Variants in EDNRB observed in about 807,000 individuals in gnomAD.
EDNRB encodes the protein Hirschsprung disease 2.
EDNRB carries 18 observed loss-of-function variants against 46.4 expected under a neutral mutation model. The observed-to-expected ratio is 0.39, with a 90% CI of 0.27 to 0.57. The LOEUF is 0.57. EDNRB is among the 20% of genes least tolerant of loss of function. The probability of loss-of-function intolerance (pLI) is 0.61; values close to 1 mark genes in which losing one functional copy is unlikely to be tolerated. For synonymous variants in EDNRB, 213 were observed against 204.9 expected (o/e 1.04, Z -0.34); for missense variants, 434 against 537.5 (o/e 0.81, Z 1.90).
intron 1 of EDNRB, among the ~76,000 whole-genome samples, chr13:77,926,546 A>G (rs182471945): frequency 1.3e-5 from 2 of 152,258 alleles, no homozygotes; most frequent in Admixed American, 1.3e-4. Context: ...TCCATCTGAG[A>G]CCACCTCAGC....
intron 1 of EDNRB, among the ~76,000 whole-genome samples, chr13:77,908,415 T>C (rs1246545283): frequency 2.2e-5 from 2 of 88,908 alleles, no homozygotes; most frequent in East Asian, 3.1e-4. Context: ...GGAAAAACTA[T>C]GAAGTTTTGC....
At chr13:77,952,431 A>G (rs1362050782) in intron 1 of EDNRB, among the ~76,000 whole-genome samples, 1 of 152,198 alleles carries the variant, frequency 6.6e-6, no homozygotes, top group African/African-American at 2.4e-5. Context: ...AATAAACATT[A>G]TTAGTTTGTT....
intron 1 of EDNRB, among the ~76,000 whole-genome samples, chr13:77,950,629 C>T (rs1024443789): frequency 1.3e-5 from 2 of 152,150 alleles, no homozygotes; most frequent in Non-Finnish European, 2.9e-5. Context: ...GGGTTTTATC[C>T]TGACTGAGCA....
intron 1 of EDNRB, among the ~76,000 whole-genome samples, chr13:77,904,439 C>T (rs1237067947): frequency 7.9e-5 from 12 of 151,856 alleles, no homozygotes; most frequent in African/African-American, 2.7e-4. Context: ...GTAAGACAGA[C>T]TATGAGCTCC....
intron 1 of EDNRB, among the ~76,000 whole-genome samples, chr13:77,972,315 G>A (rs566433477): frequency 4.6e-5 from 7 of 152,292 alleles, no homozygotes; most frequent in South Asian, 4.2e-4. Context: ...ACGTGCAGGC[G>A]GAATATTTGA....
intron 1 of EDNRB, among the ~76,000 whole-genome samples, chr13:77,908,302 A>G (rs950755710): frequency 5.3e-5 from 8 of 151,854 alleles, no homozygotes; most frequent in African/African-American, 1.9e-4. Context: ...AACCATGCCC[A>G]CTATTGATGC....
chr13:77,972,895 G>A (rs1007214207), intron 1 of EDNRB, among the ~76,000 whole-genome samples: 4 of 152,204 alleles, frequency 2.6e-5, no homozygotes, highest in South Asian at 4.1e-4. Context: ...ACTCAGGTGT[G>A]ATGAGTCCAT....
chr13:77,948,284 T>C (rs1451513761), intron 1 of EDNRB, among the ~76,000 whole-genome samples: 1 of 152,226 alleles, frequency 6.6e-6, no homozygotes, highest in Non-Finnish European at 1.5e-5. Context: ...AATGATGTTA[T>C]GGGTTAACGT....
intron 1 of EDNRB, among the ~76,000 whole-genome samples, chr13:77,962,696 G>A (rs9530707): frequency 0.64 from 97,363 of 152,014 alleles, 31,809 homozygotes; most frequent in Middle Eastern, 0.8. Context: ...GAAGCATTCC[G>A]TTTGAAAACT....
rs886079264 is a variant in EDNRB, at chr13:77,946,940, A to C, written c.-51-28316T>G. Among the ~76,000 whole-genome samples, 6 of 152,226 alleles carry C rather than the reference A, an allele frequency of 3.9e-5. No homozygotes were observed. In the South Asian group the frequency reaches 1.2e-3, roughly 31 times the overall value. ...TGAGAAATGGTTCTTTAAAGCAAGT[A>C]TTTACTTGAGAAAAATTTCAAACAA... On this transcript the variant is annotated intron_variant, in intron 1 of 7. Coordinates refer to the EDNRB transcript ENST00000646948.
In EDNRB at chr13:77,927,754, T is replaced by C. The variant is rs116011207; in HGVS notation, c.-51-9130A>G. On this transcript the variant is annotated intron_variant, in intron 1 of 7. Coordinates refer to the EDNRB transcript ENST00000646948. ...CCATAGCTTATGATAGAGTCAAATA[T>C]TTGTAAGAAAAGTGTTCTTATTACT... is the stretch of plus-strand genomic sequence containing the variant. Among the ~76,000 whole-genome samples the C allele has an allele frequency of 5.4e-3, 820 of 152,322 alleles. 10 individuals carry two copies. Among genetic ancestry groups the C allele is most frequent in the African/African-American group, 0.018 (760 of 41,570 alleles).
intron 1 of EDNRB, among the ~76,000 whole-genome samples, chr13:77,940,247 A>G (rs546368931): frequency 1.3e-5 from 2 of 152,120 alleles, no homozygotes; most frequent in African/African-American, 4.8e-5. Context: ...GATTCATTGG[A>G]GGTGTGTGGT....
intron 1 of EDNRB, among the ~76,000 whole-genome samples, chr13:77,933,344 G>A (rs939823810): frequency 1.3e-4 from 20 of 152,132 alleles, no homozygotes; most frequent in Non-Finnish European, 2.9e-5. Context: ...ACAGGGGTGG[G>A]GCCGTTTTAT....
chr13:77,909,125 G>C (rs1879441015), intron 1 of EDNRB, among the ~76,000 whole-genome samples: 1 of 151,892 alleles, frequency 6.6e-6, no homozygotes, highest in Non-Finnish European at 1.5e-5. Flanking sequence ...ATAAACACTA[G>C]ATTGAAAAAA....
At chr13:77,954,842 A>G (rs1331387009) in intron 1 of EDNRB, among the ~76,000 whole-genome samples, 1 of 152,076 alleles carries the variant, frequency 6.6e-6, no homozygotes, top group Non-Finnish European at 1.5e-5. Context: ...TTTTAGGTAT[A>G]TAGCAAATTT....
Position 77,897,741 on chromosome 13 carries a change from T to C in EDNRB, c.*459A>G. Reference sequence around the variant, plus strand: ...TAGTGTGATAATATTAATTGAAAAGTTGTTTTAAAGGATTTTAAAATTTTA... The same window carrying C: ...TAGTGTGATAATATTAATTGAAAAGCTGTTTTAAAGGATTTTAAAATTTTA... On this transcript the variant is annotated 3_prime_UTR_variant, in exon 7 of 7. Transcript: ENST00000646607. 2 of 986,394 alleles carry C rather than the reference T, an allele frequency of 2.0e-6. No homozygotes were observed. Among genetic ancestry groups the C allele is most frequent in the African/African-American group, 3.5e-5 (2 of 57,254 alleles). 61.1% of individuals were successfully genotyped at this position (986,394 alleles called of 1,614,324 possible). A position where few individuals can be genotyped will look rare whatever the true frequency, so the allele number is the denominator to read the frequency against.
intron 1 of EDNRB, among the ~76,000 whole-genome samples, chr13:77,943,039 A>C (rs1032198261): frequency 6.6e-6 from 1 of 152,132 alleles, no homozygotes; most frequent in Non-Finnish European, 1.5e-5. Flanking sequence ...TATCAGTCTA[A>C]AATAGAAATC....
chr13:77,962,193 C>G (rs776962727), intron 1 of EDNRB, among the ~76,000 whole-genome samples: 146 of 152,248 alleles, frequency 9.6e-4, no homozygotes, highest in Non-Finnish European at 1.8e-3. Context: ...CCGAATTCTA[C>G]CAGAGGTACA....
chr13:77,967,149 A>G (rs1881606096), intron 1 of EDNRB, among the ~76,000 whole-genome samples: 1 of 152,178 alleles, frequency 6.6e-6, no homozygotes, highest in Non-Finnish European at 1.5e-5. Context: ...CTGTTAATAT[A>G]ATTTTGGAGT....
Sources: gnomAD v4.1 joint callset for allele counts (sites outside exome capture counted in the v4.1 genomes callset) on GRCh38, gnomAD v4.1.1 for gene constraint, MANE v1.5 for transcripts, NCBI Gene and HGNC (gene_info 2026-07-23, HGNC 2026-07-21) for gene names.